CPNE4: variants seen among roughly 807,000 people sequenced by gnomAD.
CPNE4 encodes the protein copine 4, also known as copine-4.
Under a neutral mutation model 67.9 loss-of-function variants are expected in CPNE4, and 25 were observed. The ratio of observed to expected loss-of-function variants is 0.37; its 90% CI spans 0.27 to 0.51. The LOEUF (loss-of-function observed/expected upper bound fraction) is 0.51. Among genes scored for constraint, CPNE4 ranks in the 20% least tolerant of loss-of-function variants. The probability of loss-of-function intolerance (pLI) is 0.93; values close to 1 mark genes in which losing one functional copy is unlikely to be tolerated. For synonymous variants in CPNE4, 242 were observed against 244.9 expected (o/e 0.99, Z 0.11); for missense variants, 464 against 690.8 (o/e 0.67, Z 3.68).
intron 7 of CPNE4, among the ~76,000 whole-genome samples, chr3:131,639,104 T>C (rs2107791396): frequency 6.6e-6 from 1 of 152,028 alleles, no homozygotes; most frequent in Admixed American, 6.5e-5. Context: ...CACATGGAAC[T>C]GGAGAAACAA....
intron 7 of CPNE4, among the ~76,000 whole-genome samples, chr3:131,634,145 A>C (rs903922370): frequency 2.0e-5 from 3 of 150,098 alleles, no homozygotes; most frequent in Non-Finnish European, 2.9e-5. Flanking sequence ...ATTTAATAAA[A>C]ATATACTCTT....
intron 2 of CPNE4, among the ~76,000 whole-genome samples, chr3:131,774,092 G>A (rs556258160): frequency 2.0e-5 from 3 of 152,100 alleles, no homozygotes; most frequent in Non-Finnish European, 4.4e-5. Context: ...ACACTTGATT[G>A]CCTGTTCAAT....
intron 7 of CPNE4, among the ~76,000 whole-genome samples, chr3:131,627,775 G>A (rs1023481743): frequency 6.6e-6 from 1 of 152,180 alleles, no homozygotes. Context: ...GGTAGAAATA[G>A]CAAGAGAACT....
At chr3:131,710,805 T>C (rs1216595732) in intron 3 of CPNE4, among the ~76,000 whole-genome samples, 9 of 152,198 alleles carry the variant, frequency 5.9e-5, no homozygotes, top group Non-Finnish European at 1.5e-5. Context: ...CAAGAATCTT[T>C]TTCTCATTAA....
intron 7 of CPNE4, among the ~76,000 whole-genome samples, chr3:131,632,079 G>T (rs1262270570): frequency 6.6e-6 from 1 of 150,882 alleles, no homozygotes; most frequent in Non-Finnish European, 1.5e-5. Context: ...GCACGATCTT[G>T]GCTCACTGCA....
intron 7 of CPNE4, among the ~76,000 whole-genome samples, chr3:131,613,608 A>G (rs888150674): frequency 3.3e-5 from 5 of 152,218 alleles, no homozygotes; most frequent in African/African-American, 9.6e-5. Flanking sequence ...GCAGGCAGGT[A>G]TGTGCTCTGT....
At chr3:131,812,248 C>T (rs2084562772) in intron 2 of CPNE4, among the ~76,000 whole-genome samples, 1 of 147,598 alleles carries the variant, frequency 6.8e-6, no homozygotes, top group Non-Finnish European at 1.5e-5. Context: ...GAAGCATTTA[C>T]ATAAAAACAA....
At chr3:131,807,371 A>G (rs537463840) in intron 2 of CPNE4, among the ~76,000 whole-genome samples, 1 of 152,362 alleles carries the variant, frequency 6.6e-6, no homozygotes, top group South Asian at 2.1e-4. Context: ...ATAATTTTAT[A>G]CTTTTTAAAA....
At chr3:131,998,898 C>T (rs2073360207) in intron 1 of CPNE4, among the ~76,000 whole-genome samples, 1 of 151,940 alleles carries the variant, frequency 6.6e-6, no homozygotes, top group African/African-American at 2.4e-5. Flanking sequence ...TAGTAGTAAA[C>T]AGGTCCTATC....
At chr3:131,854,079 A>G (rs1325085369) in intron 2 of CPNE4, among the ~76,000 whole-genome samples, 1 of 151,926 alleles carries the variant, frequency 6.6e-6, no homozygotes, top group Non-Finnish European at 1.5e-5. Flanking sequence ...AAAAACCTGT[A>G]TAAGAATCTT....
intron 1 of CPNE4, among the ~76,000 whole-genome samples, chr3:131,930,041 T>C (rs2071010590): frequency 6.6e-6 from 1 of 152,180 alleles, no homozygotes; most frequent in African/African-American, 2.4e-5. Flanking sequence ...ATGCATCCCC[T>C]GGAGGTCTTG....
At chr3:131,912,086 G>T (rs1306653489) in intron 1 of CPNE4, among the ~76,000 whole-genome samples, 1 of 137,922 alleles carries the variant, frequency 7.3e-6, no homozygotes, top group African/African-American at 2.9e-5. Context: ...CCTCTTTGTT[G>T]CCTTTCACAC....
chr3:131,667,688 A>C (rs927754220), intron 7 of CPNE4, among the ~76,000 whole-genome samples: 1 of 147,030 alleles, frequency 6.8e-6, no homozygotes, highest in Non-Finnish European at 1.5e-5. Flanking sequence ...TCTCTCCTCT[A>C]TCATCTATCA....
chr3:131,754,047 G>T (rs912833056), intron 2 of CPNE4, among the ~76,000 whole-genome samples: 4 of 152,114 alleles, frequency 2.6e-5, no homozygotes, highest in Non-Finnish European at 1.5e-5. Context: ...ATCAACAAGA[G>T]CATAGGCAGG....
chr3:131,666,408 C>A (rs372248665), intron 7 of CPNE4, among the ~76,000 whole-genome samples: 27 of 151,938 alleles, frequency 1.8e-4, no homozygotes, highest in East Asian at 1.4e-3. Context: ...TATGGCTCTG[C>A]ATCCATAGAA....
intron 2 of CPNE4, among the ~76,000 whole-genome samples, chr3:131,835,444 G>T (rs752376726): frequency 3.9e-5 from 6 of 151,984 alleles, no homozygotes; most frequent in Non-Finnish European, 5.9e-5. Flanking sequence ...CAGGAGAATC[G>T]CTTGAACCTA....
intron 7 of CPNE4, among the ~76,000 whole-genome samples, chr3:131,638,133 A>G (rs2079442001): frequency 6.6e-6 from 1 of 152,158 alleles, no homozygotes; most frequent in African/African-American, 2.4e-5. Flanking sequence ...AATGAAAAAA[A>G]AACCACAAGG....
At chr3:131,557,038 C>G (rs1582791210) in intron 11 of CPNE4, among the ~76,000 whole-genome samples, 1 of 152,032 alleles carries the variant, frequency 6.6e-6, no homozygotes, top group Non-Finnish European at 1.5e-5. Flanking sequence ...AAAGCCCATA[C>G]CTTTCTGTTA....
At chr3:131,673,328 G>C (rs902307251) in intron 6 of CPNE4, among the ~76,000 whole-genome samples, 3 of 151,996 alleles carry the variant, frequency 2.0e-5, no homozygotes, top group Non-Finnish European at 4.4e-5. Context: ...GTCTTTCATA[G>C]TTTCATATAA....
Sources: allele counts gnomAD v4.1 joint callset (sites outside exome capture counted in the v4.1 genomes callset), GRCh38; gene constraint gnomAD v4.1.1; transcripts MANE v1.5; gene names NCBI Gene and HGNC (gene_info 2026-07-23, HGNC 2026-07-21).